Variants in CNTN5 observed in about 807,000 individuals in gnomAD.
The protein encoded by CNTN5 is contactin-5.
Under a neutral mutation model 129.1 loss-of-function variants are expected in CNTN5, and 77 were observed. The ratio of observed to expected loss-of-function variants is 0.60; its 90% CI spans 0.50 to 0.72. The LOEUF (loss-of-function observed/expected upper bound fraction) is 0.72. Ranked by LOEUF, CNTN5 falls within the 30% of genes least tolerant of loss-of-function variation. The pLI is 0.00. For synonymous variants in CNTN5, 509 were observed against 465.6 expected, an observed-to-expected ratio of 1.09 and a Z score of -1.20; for missense variants, 1,478 against 1,328.8, an observed-to-expected ratio of 1.11 and a Z score of -1.75.
In CNTN5 at chr11:99,455,439, GT is replaced by G. The variant is rs556595093; in HGVS notation, c.-70-100695del. On this transcript the variant is annotated intron_variant, in intron 2 of 24. Coordinates refer to ENST00000524871, the MANE Select transcript of CNTN5 (RefSeq NM_014361.4). Reference sequence around the variant, plus strand: ...ATTTCATTTTCCTGAAAAATATGTAGTTTTTTTTTTTAAAAAAAACATAAGA... The same window carrying G: ...ATTTCATTTTCCTGAAAAATATGTAGTTTTTTTTTTAAAAAAAACATAAGA... Among the ~76,000 whole-genome samples, 1,184 of 147,566 alleles carry G rather than the reference GT, an allele frequency of 8.0e-3. 11 individuals carry two copies. The highest frequency in any genetic ancestry group is 0.028 in the African/African-American group (1,115 of 40,368).
intron 6 of CNTN5, among the ~76,000 whole-genome samples, chr11:99,900,681 G>T (rs1949333710): frequency 6.6e-6 from 1 of 152,032 alleles, no homozygotes; most frequent in Admixed American, 6.6e-5. Context: ...GTATCTTGAA[G>T]AGGTCAAATG....
chr11:99,994,397 TAGAAAG>T (rs1939317319), intron 8 of CNTN5, among the ~76,000 whole-genome samples: 1 of 152,134 alleles, frequency 6.6e-6, no homozygotes, highest in South Asian at 2.1e-4. Context: ...GTATTATACT[TAGAAAG>T]AGAAAAAAAT....
chr11:100,016,461 G>T (rs770599), intron 9 of CNTN5, among the ~76,000 whole-genome samples: 1 of 151,908 alleles, frequency 6.6e-6, no homozygotes, highest in Non-Finnish European at 1.5e-5. Context: ...TGTATAATCA[G>T]TGTGGTTCTG....
chr11:99,123,290 G>C (rs535167595), intron 1 of CNTN5, among the ~76,000 whole-genome samples: 1 of 151,764 alleles, frequency 6.6e-6, no homozygotes, highest in East Asian at 1.9e-4. Flanking sequence ...GCATTTCTCT[G>C]ATGACTAGTG....
At chr11:99,292,138 T>C (rs1864195149) in intron 1 of CNTN5, among the ~76,000 whole-genome samples, 1 of 151,890 alleles carries the variant, frequency 6.6e-6, no homozygotes, top group East Asian at 1.9e-4. Context: ...GATAGCACTT[T>C]CATTCTGGCA....
In CNTN5 at chr11:100,101,979, G is replaced by C. The variant is rs747623525; in HGVS notation, c.1580+27685G>C. ...TATTTTCTTTGTCCACTGATTGGTT[G>C]ATGAGCACTTACATTGGTTCCATAG... On this transcript the variant is annotated intron_variant, in intron 13 of 24. Coordinates refer to ENST00000524871, the MANE Select transcript of CNTN5 (RefSeq NM_014361.4). Among the ~76,000 whole-genome samples, 3 of 152,126 alleles carry C rather than the reference G, an allele frequency of 2.0e-5. No individual in the cohort carries two copies. The South Asian group carries it at 6.2e-4, about 31-fold the overall frequency.
intron 1 of CNTN5, among the ~76,000 whole-genome samples, chr11:99,234,600 C>A (rs1219084705): frequency 1.3e-5 from 2 of 152,056 alleles, no homozygotes; most frequent in South Asian, 2.1e-4. Flanking sequence ...TCTTGAATTA[C>A]CTTAGAAGGC....
chr11:99,365,227 G>C (rs1939369450), intron 2 of CNTN5, among the ~76,000 whole-genome samples: 1 of 152,094 alleles, frequency 6.6e-6, no homozygotes, highest in South Asian at 2.1e-4. Flanking sequence ...AAATGAGTAT[G>C]ATAACAATAC....
chr11:100,271,699 A>G (rs1294489854), intron 18 of CNTN5, among the ~76,000 whole-genome samples: 1 of 152,204 alleles, frequency 6.6e-6, no homozygotes, highest in Non-Finnish European at 1.5e-5. Flanking sequence ...AATAGTAAAC[A>G]TTGCCCTTCC....
chr11:100,220,462 T>C (rs1261917994), intron 15 of CNTN5, among the ~76,000 whole-genome samples: 1 of 152,128 alleles, frequency 6.6e-6, no homozygotes, highest in Admixed American at 6.5e-5. Flanking sequence ...ATAAAATGCT[T>C]AATGCTTTTC....
intron 2 of CNTN5, among the ~76,000 whole-genome samples, chr11:99,451,644 G>A (rs1944305871): frequency 6.6e-6 from 1 of 152,090 alleles, no homozygotes; most frequent in Non-Finnish European, 1.5e-5. Context: ...TGAAGGATTA[G>A]GCGGTAGACA....
chr11:99,489,217 T>C (rs888012747), intron 2 of CNTN5, among the ~76,000 whole-genome samples: 9 of 152,218 alleles, frequency 5.9e-5, no homozygotes, highest in Non-Finnish European at 1.3e-4. Context: ...GTCAACTTGC[T>C]AAATTACAGG....
intron 2 of CNTN5, among the ~76,000 whole-genome samples, chr11:99,485,866 A>T (rs1476523633): frequency 6.6e-6 from 1 of 152,034 alleles, no homozygotes; most frequent in African/African-American, 2.4e-5. Flanking sequence ...ATAGTAGGCA[A>T]TCAAGCAATT....
At chr11:100,193,145 G>T (rs1486539073) in intron 14 of CNTN5, among the ~76,000 whole-genome samples, 1 of 151,776 alleles carries the variant, frequency 6.6e-6, no homozygotes, top group Non-Finnish European at 1.5e-5. Flanking sequence ...TTTACTTAAT[G>T]ATCCTTGAAA....
At chr11:99,862,465 G>T (rs1435137523) in intron 6 of CNTN5, among the ~76,000 whole-genome samples, 1 of 151,882 alleles carries the variant, frequency 6.6e-6, no homozygotes, top group East Asian at 1.9e-4. Context: ...TGTGGACTTT[G>T]TAGGCCTGTC....
chr11:99,137,861 C>T (rs1859312186), intron 1 of CNTN5, among the ~76,000 whole-genome samples: 1 of 152,020 alleles, frequency 6.6e-6, no homozygotes, highest in Non-Finnish European at 1.5e-5. Flanking sequence ...TATTTCTCCC[C>T]TGCAAGTTTA....
chr11:99,173,823 C>T (rs7114546), intron 1 of CNTN5, among the ~76,000 whole-genome samples: 1 of 152,040 alleles, frequency 6.6e-6, no homozygotes, highest in Admixed American at 6.5e-5. Flanking sequence ...CCATCAAAGC[C>T]TGAATATCAG....
chr11:100,179,939 T>G (rs1001091373), intron 13 of CNTN5, among the ~76,000 whole-genome samples: 3 of 152,052 alleles, frequency 2.0e-5, no homozygotes, highest in African/African-American at 7.2e-5. Flanking sequence ...AAAGAAAACT[T>G]TAGGTGTAGA....
Position 99,042,315 on chromosome 11 carries a change from C to T in CNTN5, c.-210+21045C>T, listed in dbSNP as rs145154885. Among the ~76,000 whole-genome samples the T allele has an allele frequency of 3.8e-3, 572 of 149,972 alleles. 3 individuals are homozygous for T. The highest frequency in any genetic ancestry group is 0.013 in the African/African-American group (518 of 40,766). The stretch of plus-strand genomic sequence containing the variant: ...GCAAACCATCATGGCACATGTATAC[C>T]TATGCAACAAACCTGCACGTTCTGC... On this transcript the variant is annotated intron_variant, in intron 1 of 24. Coordinates refer to ENST00000524871, the MANE Select transcript of CNTN5 (RefSeq NM_014361.4).
Sources: allele counts gnomAD v4.1 joint callset (sites outside exome capture counted in the v4.1 genomes callset), GRCh38; gene constraint gnomAD v4.1.1; transcripts MANE v1.5; gene names NCBI Gene and HGNC (gene_info 2026-07-23, HGNC 2026-07-21).